The following TTN variants were observed in gnomAD, a reference collection of about 807,000 sequenced individuals.
TTN encodes titin.
In TTN, 1,525 loss-of-function variants were observed where a neutral mutation model predicts 3,223.0. The ratio of observed to expected loss-of-function variants is 0.47; its 90% confidence interval spans 0.45 to 0.49. The LOEUF is 0.49. Ranked by LOEUF, TTN falls within the 20% of genes least tolerant of loss-of-function variation. TTN has a pLI of 0.00. For synonymous variants in TTN, 14,094 were observed against 15,161.0 expected, an observed-to-expected ratio of 0.93 and a Z score of 5.17; for missense variants, 40,786 against 43,424.0, an observed-to-expected ratio of 0.94 and a Z score of 5.40.
chr2:178,588,727 A>T lies in TTN; in HGVS notation c.62998T>A (p.Leu21000Met). Residue 21000 changes from leucine to methionine, a missense_variant, in exon 304 of 363, where the codon TTG (leucine) becomes ATG (methionine). Physicochemically the swap from Leu to Met is conservative, Grantham distance 15. Transcript: ENST00000589042. ...GTTGAATGCTTTTCCTTTTTCTCCA[A>T]AAAGTATCCAGTTATAGACTTTCCA... ...DGGKSITGYF[L>M]EKKEKHSTRW... 6.2e-7 allele frequency: 1 copy of T among 1,613,148 alleles called. No individual in the cohort carries two copies. Among genetic ancestry groups the T allele is most frequent in the Non-Finnish European group, 8.5e-7 (1 of 1,179,488 alleles).
Position 178,548,282 on chromosome 2 carries a change from G to A in TTN, c.93344C>T (p.Ala31115Val). ...PEPIVATEQP[A>V]PPRRLDVVDT... ...AACAACATCAAGTCTCCTAGGTGGAGCAGGCTGTTCTGTGGCTACAATTGG... is the reference window on the plus strand; with the variant it reads ...AACAACATCAAGTCTCCTAGGTGGAACAGGCTGTTCTGTGGCTACAATTGG... Residue 31115 changes from alanine (A) to valine (V), a missense_variant, in exon 339 of 363, where the codon GCT becomes GTT. Ala to Val is a moderately conservative substitution (Grantham distance 64). Coordinates refer to ENST00000589042, the MANE Select transcript of TTN (RefSeq NM_001267550.2). The surrounding 1 kb of genome is among the most constrained non-coding windows in gnomAD (Gnocchi z 4.3). The A allele has an allele frequency of 6.2e-7, 1 of 1,613,880 alleles. No individual in the cohort carries two copies. The highest frequency in any genetic ancestry group is 8.5e-7 in the Non-Finnish European group (1 of 1,179,828).
Position 178,608,608 on chromosome 2 carries a change from A to T in TTN, c.52403T>A (p.Phe17468Tyr), listed in dbSNP as rs759822140. 3 of 1,609,416 alleles carry T rather than the reference A, an allele frequency of 1.9e-6. No individual in the cohort carries two copies. The highest frequency in any genetic ancestry group is 2.5e-6 in the Non-Finnish European group (3 of 1,178,064). ...VSKPLVAKDP[F>Y]GPPDAPDKPI... ...TTTAGATGCCAAAGGAAACTTACCA[A>T]ATGGATCTTTAGCCACAAGTGGCTT... The change falls in exon 274 of 363, where the codon TTT becomes TAT. Residue 17468 changes from phenylalanine (F) to tyrosine (Y), a missense_variant and splice_region_variant. Physicochemically the swap from Phe to Tyr is conservative, Grantham distance 22. Transcript: ENST00000589042.
Position 178,775,546 on chromosome 2 carries a change from G to A in TTN, c.6318C>T (p.Asp2106=), listed in dbSNP as rs1239579454. Residue 2106 remains aspartate (D), a synonymous_variant, in exon 28 of 363, where the codon GAC becomes GAT. Transcript: ENST00000589042. ...HFRVRVVGKP[D]PECEWYKNGV... is the part of the protein sequence containing the mutation. The stretch of plus-strand genomic sequence containing the variant: ...CATTTTTGTACCATTCACATTCGGG[G>A]TCTGGTTTCCCCACGACTCTGACCC... The A allele has an allele frequency of 6.2e-7, 1 of 1,613,962 alleles. No individual in the cohort carries two copies. The highest frequency in any genetic ancestry group is 1.1e-5 in the South Asian group (1 of 91,084).
At chr2:178,645,606 G>A (rs965993916) in intron 217 of TTN, 33 of 194,452 alleles carry the variant, frequency 1.7e-4, no homozygotes, top group African/African-American at 6.5e-4. Context: ...GATATGTATA[G>A]CAATCAGGCT....
chr2:178,707,491 G>A, intron 100 of TTN, 35 bp downstream of exon 100: 1 of 1,567,558 alleles, frequency 6.4e-7, no homozygotes, highest in Non-Finnish European at 8.7e-7. Flanking sequence ...GTGGTTGCTG[G>A]CTTGAGCTGC....
rs1011510513 is a variant in TTN, at chr2:178,665,808, G to A, written c.35876-17C>T. 8.1e-7 allele frequency: 1 copy of A among 1,229,742 alleles called. No homozygotes were observed. Among genetic ancestry groups the A allele is most frequent in the Non-Finnish European group, 1.0e-6 (1 of 974,046 alleles). 76.2% of individuals were successfully genotyped at this position (1,229,742 alleles called of 1,614,324 possible). On this transcript the variant is annotated splice_polypyrimidine_tract_variant and intron_variant, in intron 163 of 362. Transcript: ENST00000589042. Reference sequence around the variant, plus strand: ...ATTCAGGCACTTTAAAGATATGAATGCATTGTACTTTGGAGTTATGAAGAG... The same window carrying A: ...ATTCAGGCACTTTAAAGATATGAATACATTGTACTTTGGAGTTATGAAGAG...
rs377512675 is a variant in TTN, at chr2:178,602,528, C to G, written c.54874G>C (p.Gly18292Arg). ...KDKTKSSISLGWKPPAKDGGS... is the reference protein window; with the variant it reads ...KDKTKSSISLRWKPPAKDGGS... ...CCATCTTTGGCTGGAGGTTTCCATC[C>G]TAGTGAGATGCTTGACTTCGTTTTA... is the stretch of plus-strand genomic sequence containing the variant. Residue 18292 changes from glycine (G) to arginine (R), a missense_variant, in exon 283 of 363, where the codon GGA becomes CGA. Gly to Arg is a moderately radical substitution (Grantham distance 125, BLOSUM62 -2). Transcript: ENST00000589042. The G allele has an allele frequency of 4.6e-5, 74 of 1,604,886 alleles. No homozygotes were observed. The highest frequency in any genetic ancestry group is 6.1e-5 in the Non-Finnish European group (72 of 1,175,284).
In TTN at chr2:178,635,182, G is replaced by A. The variant is rs767585297; in HGVS notation, c.42007C>T (p.Leu14003Phe). The A allele has an allele frequency of 3.1e-6, 5 of 1,612,838 alleles. No individual in the cohort carries two copies. The highest frequency in any genetic ancestry group is 1.7e-5 in the Admixed American group (1 of 59,860). The change falls in exon 228 of 363, where the codon CTT becomes TTT. Residue 14003 changes from leucine (L) to phenylalanine (F), a missense_variant. Coordinates refer to ENST00000589042, the MANE Select transcript of TTN (RefSeq NM_001267550.2). ...IPGQWKLKGE[L>F]LRPSPTCEIK... ...TTACTCACAGGTGAGGGCCTTAGAA[G>A]TTCTCCTTTCAGTTTCCATTGTCCA...
rs771233778 is a variant in TTN, at chr2:178,539,733, C to T, written c.98332G>A (p.Glu32778Lys). Residue 32778 changes from glutamate (E) to lysine (K), a missense_variant, in exon 352 of 363, where the codon GAA (glutamate) becomes AAA (lysine). Glu to Lys is a moderately conservative substitution (Grantham distance 56). Transcript: ENST00000589042. Reference sequence around the variant, plus strand: ...ACAGCCTTCTTGCCACATTTATTTTCCAGAACCAGGTCATAAGTGCCAGAA... The same window carrying T: ...ACAGCCTTCTTGCCACATTTATTTTTCAGAACCAGGTCATAAGTGCCAGAA... The part of the protein sequence containing the change: ...GDSGTYDLVL[E>K]NKCGKKAVYI... 3 of 1,613,774 alleles carry T rather than the reference C, an allele frequency of 1.9e-6. No homozygotes were observed. Among genetic ancestry groups the T allele is most frequent in the South Asian group, 2.2e-5 (2 of 91,078 alleles).
chr2:178,625,408 TA>T lies in TTN; in HGVS notation c.44425-13del. On this transcript the variant is annotated splice_polypyrimidine_tract_variant and intron_variant, in intron 240 of 362. Transcript: ENST00000589042. ...GAACGTGGGACCACCTAGTTGTTTT[TA>T]AAAAAAGAATACATGAAACAGCAAT... 1 of 1,540,818 alleles carries T rather than the reference TA, an allele frequency of 6.5e-7. No homozygotes were observed. The highest frequency in any genetic ancestry group is 1.3e-5 in the South Asian group (1 of 77,344).
chr2:178,749,376 T>C (rs2084691381), intron 47 of TTN: 3 of 1,613,040 alleles, frequency 1.9e-6, no homozygotes, highest in Non-Finnish European at 2.5e-6. Flanking sequence ...TTTATGGTTC[T>C]TGAAGCACCA....
Position 178,607,698 on chromosome 2 carries a change from A to T in TTN, c.53003-13T>A. ...ACAGCTGGAGGCTCTGTTGAAAGAGAACAGTCATGCATTAGCCCATGAAAG... is the reference window on the plus strand; with the variant it reads ...ACAGCTGGAGGCTCTGTTGAAAGAGTACAGTCATGCATTAGCCCATGAAAG... On this transcript the variant is annotated splice_polypyrimidine_tract_variant and intron_variant, in intron 276 of 362. Transcript: ENST00000589042. 7 of 1,612,746 alleles carry T rather than the reference A, an allele frequency of 4.3e-6. No homozygotes were observed. The highest frequency in any genetic ancestry group is 5.9e-6 in the Non-Finnish European group (7 of 1,179,292).
chr2:178,666,149 A>G (rs2065890877), intron 163 of TTN, among the ~76,000 whole-genome samples: 1 of 152,178 alleles, frequency 6.6e-6, no homozygotes, highest in Non-Finnish European at 1.5e-5. Flanking sequence ...TTCACACCTC[A>G]GGCACCTTAA....
chr2:178,529,875 A>G (rs1688283463), intron 359 of TTN, 85 bp downstream of exon 359: 1 of 1,330,774 alleles, frequency 7.5e-7, no homozygotes, highest in Non-Finnish European at 1.0e-6. Flanking sequence ...ACTTTCTTGT[A>G]TGTGTATATA....
chr2:178,769,113 G>A (rs1477326275), intron 37 of TTN, among the ~76,000 whole-genome samples, 180 bp from the exon 38 acceptor site: 2 of 151,822 alleles, frequency 1.3e-5, no homozygotes, highest in African/African-American at 4.8e-5. Flanking sequence ...ACTCACAGAG[G>A]AACAGAAAGA....
intron 354 of TTN, 89 bp from the exon 355 acceptor site, chr2:178,538,006 T>C (rs1407984056): frequency 6.9e-6 from 8 of 1,161,798 alleles, no homozygotes; most frequent in Non-Finnish European, 4.7e-6. Flanking sequence ...ATTTACCTTA[T>C]TTACTGACAC....
intron 219 of TTN, 163 bp from the exon 220 acceptor site, chr2:178,641,478 GT>G: frequency 1.6e-5 from 7 of 447,310 alleles, no homozygotes; most frequent in African/African-American, 2.1e-5. Flanking sequence ...TTTTTGTTTT[GT>G]TTTTTTTAAA....
chr2:178,586,434 A>G (rs1478771692), intron 308 of TTN, 71 bp downstream of exon 308: 2 of 1,557,422 alleles, frequency 1.3e-6, no homozygotes, highest in South Asian at 1.2e-5. Context: ...CTCAGGGAGA[A>G]ATGTCTACAT....
At chr2:178,767,644 A>G (rs886481409) in intron 40 of TTN, 115 bp downstream of exon 40, 7 of 1,459,078 alleles carry the variant, frequency 4.8e-6, no homozygotes, top group Non-Finnish European at 6.6e-6. Context: ...GAATGAGCTG[A>G]TTTAATTCTT....
Sources: gnomAD v4.1 joint callset for allele counts (sites outside exome capture counted in the v4.1 genomes callset) on GRCh38, gnomAD v4.1.1 for gene constraint, Gnocchi (gnomAD v3.1) non-coding constraint, MANE v1.5 for transcripts, NCBI Gene and HGNC (gene_info 2026-07-23, HGNC 2026-07-21) for gene names.